The following MYOM2 variants were observed in gnomAD, a reference collection of about 807,000 sequenced individuals.
MYOM2 encodes the protein myomesin 2, also known as myomesin-2.
In MYOM2, 254 loss-of-function variants were observed where a neutral mutation model predicts 187.6. The observed-to-expected ratio is 1.35, with a 90% CI of 1.22 to 1.50. The LOEUF is 1.50. Among genes scored for constraint, MYOM2 ranks in the 40% most tolerant of loss-of-function variants. MYOM2 has a pLI of 0.00. For synonymous variants in MYOM2, 981 were observed against 753.8 expected (o/e 1.30, Z -4.94); for missense variants, 2,796 against 1,924.0 (o/e 1.45, Z -8.48).
rs542157966 is a variant in MYOM2, at chr8:2,136,236, G to A, written c.3801-4487G>A. On this transcript the variant is annotated intron_variant, in intron 32 of 36. Coordinates refer to ENST00000262113, the MANE Select transcript of MYOM2 (RefSeq NM_003970.4). Reference sequence around the variant, plus strand: ...GGCTCATGGCTACCTTTGTGCAGCTGCAGCCCAGGGAAGGGTAGCGTCCCA... The same window carrying A: ...GGCTCATGGCTACCTTTGTGCAGCTACAGCCCAGGGAAGGGTAGCGTCCCA... Among the ~76,000 whole-genome samples the A allele has an allele frequency of 6.4e-3, 982 of 152,354 alleles. 6 individuals carry two copies. The highest frequency in any genetic ancestry group is 0.012 in the South Asian group (59 of 4,828).
intron 18 of MYOM2, among the ~76,000 whole-genome samples, chr8:2,096,743 C>T (rs1481422376): frequency 6.6e-6 from 1 of 152,124 alleles, no homozygotes; most frequent in Non-Finnish European, 1.5e-5. Context: ...GGCTCTGAGG[C>T]CTTGAGGGCA....
At chr8:2,100,179 T>A (rs1343928304) in intron 19 of MYOM2, among the ~76,000 whole-genome samples, 4 of 149,974 alleles carry the variant, frequency 2.7e-5, no homozygotes, top group Admixed American at 2.0e-4. Context: ...CTTCCTTCCT[T>A]CCTTCCTTCC....
At chr8:2,089,704 T>G (rs1796228219) in intron 14 of MYOM2, among the ~76,000 whole-genome samples, 1 of 152,246 alleles carries the variant, frequency 6.6e-6, no homozygotes, top group South Asian at 2.1e-4. Flanking sequence ...TTAGTTCTAT[T>G]TTGCTAAAAC....
chr8:2,099,351 C>G (rs1254074577), intron 19 of MYOM2, among the ~76,000 whole-genome samples: 1 of 152,146 alleles, frequency 6.6e-6, no homozygotes. Context: ...CAGAGAGGGT[C>G]ACAGGTGGAG....
At chr8:2,056,343 G>A (rs1035750146) in intron 3 of MYOM2, among the ~76,000 whole-genome samples, 13 of 152,238 alleles carry the variant, frequency 8.5e-5, no homozygotes, top group Non-Finnish European at 1.3e-4. Context: ...AACAGCGAGC[G>A]TCCTAATTTC....
chr8:2,097,180 G>C (rs906733235), intron 18 of MYOM2: 10 of 827,940 alleles, frequency 1.2e-5, no homozygotes, highest in African/African-American at 5.5e-5. Flanking sequence ...TTGTCTACTA[G>C]AAAATTCTGC....
chr8:2,104,814 C>G (rs144433725), intron 21 of MYOM2, among the ~76,000 whole-genome samples: 2 of 152,114 alleles, frequency 1.3e-5, no homozygotes, highest in Admixed American at 6.5e-5. Flanking sequence ...AACATTTACT[C>G]TCACTGGAAC....
chr8:2,077,348 CA>C (rs1051034420), intron 11 of MYOM2, among the ~76,000 whole-genome samples: 1 of 151,720 alleles, frequency 6.6e-6, no homozygotes, highest in African/African-American at 2.4e-5. Context: ...AAAAACAAAA[CA>C]AAAAAACCAC....
In MYOM2 at chr8:2,073,244, C is replaced by T. The variant is rs558713424; in HGVS notation, c.959-95C>T. On this transcript the variant is annotated intron_variant, in intron 9 of 36. Coordinates refer to ENST00000262113, the MANE Select transcript of MYOM2 (RefSeq NM_003970.4). The stretch of plus-strand genomic sequence containing the variant: ...TTCCGTGGTGTCCAGCTCGACTGTC[C>T]TGTCCCGCTCTGAGACGACGCTGGT... 2.7e-4 allele frequency: 371 copies of T among 1,387,228 alleles called. 2 individuals are homozygous for T. The South Asian group carries it at 4.7e-3, about 18-fold the overall frequency. The allele number at this position is 1,387,228 out of a possible 1,614,324, so 85.9% of individuals were successfully genotyped here.
At position 2,094,147 on chromosome 8, in the gene MYOM2, C is replaced by G. The variant is rs371462295; in HGVS notation, c.2125+56C>G. ...TTGCTCCCATACACTGTCATTTCTG[C>G]ATGAATAAACATTTGTGATGCCATT... is the stretch of plus-strand genomic sequence containing the variant. On this transcript the variant is annotated intron_variant, in intron 17 of 36. Coordinates refer to ENST00000262113, the MANE Select transcript of MYOM2 (RefSeq NM_003970.4). 37 of 1,586,284 alleles carry G rather than the reference C, an allele frequency of 2.3e-5. No individual in the cohort carries two copies. The South Asian group carries it at 4.2e-4, about 18-fold the overall frequency.
At chr8:2,057,590 TG>T (rs768794566) in intron 4 of MYOM2, 32 bp from the exon 5 acceptor site, 15 of 1,613,376 alleles carry the variant, frequency 9.3e-6, no homozygotes, top group Non-Finnish European at 1.2e-5. Flanking sequence ...GCTCGCTGCC[TG>T]GGAACCTGAC....
chr8:2,087,675 G>T (rs1226815771), intron 14 of MYOM2, among the ~76,000 whole-genome samples: 1 of 152,206 alleles, frequency 6.6e-6, no homozygotes, highest in Non-Finnish European at 1.5e-5. Flanking sequence ...CAGTGGCACA[G>T]TCATGGCTCA....
intron 10 of MYOM2, among the ~76,000 whole-genome samples, chr8:2,075,483 G>T (rs76392432): frequency 0.018 from 2,686 of 152,238 alleles, 44 homozygotes; most frequent in Non-Finnish European, 0.026. Context: ...GAAGATATGT[G>T]AGCAGGAAAC....
In MYOM2 at chr8:2,078,718, T is replaced by C; in HGVS notation, c.1263-16T>C. ...CATTTGCTATTCTCTGTTGTTTTTC[T>C]TTTTTTAACTTGAAGATGTGAAGTA... is the stretch of plus-strand genomic sequence containing the variant. On this transcript the variant is annotated splice_polypyrimidine_tract_variant and intron_variant, in intron 11 of 36. Transcript: ENST00000262113. 6.2e-7 allele frequency: 1 copy of C among 1,613,328 alleles called. No individual in the cohort carries two copies. Among genetic ancestry groups the C allele is most frequent in the Non-Finnish European group, 8.5e-7 (1 of 1,179,434 alleles).
In MYOM2 at chr8:2,129,934, A is replaced by T. The variant is rs372624209; in HGVS notation, c.3800+702A>T. Among the ~76,000 whole-genome samples, 11 of 152,336 alleles carry T rather than the reference A, an allele frequency of 7.2e-5. No homozygotes were observed. The South Asian group carries it at 2.3e-3, about 32-fold the overall frequency. On this transcript the variant is annotated intron_variant, in intron 32 of 36. Transcript: ENST00000262113. ...CCCTATAGATATCACCGCAGATAAA[A>T]GTGGACTTCAGGTGGGTGGGAAGGA...
rs529641554 is a variant in MYOM2, at chr8:2,133,511, A to T, written c.3800+4279A>T. The stretch of plus-strand genomic sequence containing the variant: ...AGTGTTGCTCTGTCACCCAGGCTGG[A>T]GTGCAGTGGCATGATCTTTGCTCAC... On this transcript the variant is annotated intron_variant, in intron 32 of 36. Transcript: ENST00000262113. Among the ~76,000 whole-genome samples, 3 of 152,318 alleles carry T rather than the reference A, an allele frequency of 2.0e-5. No individual in the cohort carries two copies. In the East Asian group the frequency reaches 5.8e-4, roughly 29 times the overall value.
intron 6 of MYOM2, among the ~76,000 whole-genome samples, chr8:2,068,838 G>A (rs997998961): frequency 6.6e-6 from 1 of 152,216 alleles, no homozygotes; most frequent in African/African-American, 2.4e-5. Flanking sequence ...CTCCTACACG[G>A]AGCAGGTCCA....
intron 10 of MYOM2, 48 bp from the exon 11 acceptor site, chr8:2,076,093 C>T (rs374902105): frequency 2.4e-5 from 37 of 1,574,160 alleles, no homozygotes; most frequent in Non-Finnish European, 3.0e-5. Context: ...TTGCAGTGAC[C>T]CCAGCCTTTA....
intron 25 of MYOM2, among the ~76,000 whole-genome samples, chr8:2,112,360 A>T (rs1308238766): frequency 7.7e-6 from 1 of 129,658 alleles, no homozygotes; most frequent in African/African-American, 2.9e-5. Context: ...GTAGAGGGTT[A>T]TTGAAATGGG....
Sources: allele counts gnomAD v4.1 joint callset (sites outside exome capture counted in the v4.1 genomes callset), GRCh38; gene constraint gnomAD v4.1.1; transcripts MANE v1.5; gene names NCBI Gene and HGNC (gene_info 2026-07-23, HGNC 2026-07-21).